The following OPCML variants were observed in gnomAD, a reference collection of about 807,000 sequenced individuals.
OPCML encodes opioid-binding protein/cell adhesion molecule.
A neutral mutation model predicts 37.8 loss-of-function variants in OPCML; 13 were observed. That is an observed-to-expected ratio of 0.34 (90% CI 0.22 to 0.55). The LOEUF is 0.55. Among genes scored for constraint, OPCML ranks in the 20% least tolerant of loss-of-function variants. OPCML has a pLI of 0.91. For missense variants in OPCML, 341 were observed against 435.6 expected (o/e 0.78, Z 1.93); for synonymous variants, 176 against 168.8 (o/e 1.04, Z -0.33).
At chr11:132,624,796 A>T (rs1240958947) in intron 3 of OPCML, among the ~76,000 whole-genome samples, 1 of 152,010 alleles carries the variant, frequency 6.6e-6, no homozygotes, top group South Asian at 2.1e-4. Context: ...ACAAATCCTC[A>T]TACTCACTCC....
intron 1 of OPCML, among the ~76,000 whole-genome samples, chr11:133,445,723 T>A (rs1393082468): frequency 1.3e-5 from 2 of 152,228 alleles, no homozygotes. Flanking sequence ...CTAAGAAAGT[T>A]GTCCTTGAAC....
intron 1 of OPCML, among the ~76,000 whole-genome samples, chr11:133,353,914 A>T (rs2136698131): frequency 6.6e-6 from 1 of 152,322 alleles, no homozygotes; most frequent in South Asian, 2.1e-4. Context: ...AAAAAAAGAA[A>T]AAATATATAT....
chr11:133,525,191 G>A (rs1171474046), intron 1 of OPCML, among the ~76,000 whole-genome samples: 2 of 152,190 alleles, frequency 1.3e-5, no homozygotes, highest in Admixed American at 1.3e-4. Flanking sequence ...GGGAAGCCTC[G>A]CCTACTTTGA....
At chr11:133,223,998 TAG>T (rs1336860808) in intron 1 of OPCML, among the ~76,000 whole-genome samples, 1 of 152,008 alleles carries the variant, frequency 6.6e-6, no homozygotes. Flanking sequence ...TGTATTTGGG[TAG>T]AGTGTGTGGT....
At chr11:132,729,546 C>T (rs1340966474) in intron 2 of OPCML, among the ~76,000 whole-genome samples, 2 of 152,176 alleles carry the variant, frequency 1.3e-5, no homozygotes, top group South Asian at 2.1e-4. Context: ...ACAGGTACAT[C>T]GTCTGTCTCC....
Position 133,120,901 on chromosome 11 carries a change from C to T in OPCML, c.62-177891G>A, listed in dbSNP as rs532896800. Among the ~76,000 whole-genome samples the T allele has an allele frequency of 3.9e-5, 6 of 152,226 alleles. No homozygotes were observed. In the South Asian group the frequency reaches 1.2e-3, roughly 32 times the overall value. On this transcript the variant is annotated intron_variant, in intron 1 of 7. Coordinates refer to ENST00000524381, the MANE Select transcript of OPCML (RefSeq NM_001012393.5). ...AGTCACCCACAATTCTACTTACTTA[C>T]GGTAATTCACTAAACACCCCATCAT...
chr11:133,529,842 G>A (rs207472572), intron 1 of OPCML, among the ~76,000 whole-genome samples: 1 of 152,174 alleles, frequency 6.6e-6, no homozygotes, highest in Non-Finnish European at 1.5e-5. Context: ...AGGAGAAGTC[G>A]CAAGTAAGCC....
At chr11:132,662,420 A>AT (rs1942018917) in intron 2 of OPCML, among the ~76,000 whole-genome samples, 1 of 151,800 alleles carries the variant, frequency 6.6e-6, no homozygotes, top group African/African-American at 2.4e-5. Context: ...TGCAAAAAAA[A>AT]AAAAAAAAAG....
chr11:132,907,914 G>A (rs55689639), intron 2 of OPCML, among the ~76,000 whole-genome samples: 5,386 of 152,096 alleles, frequency 0.035, 309 homozygotes, highest in African/African-American at 0.12. Context: ...CTCACAGCTG[G>A]CAAATCTGCT....
chr11:133,020,268 T>G (rs1031504807), intron 1 of OPCML, among the ~76,000 whole-genome samples: 1 of 152,190 alleles, frequency 6.6e-6, no homozygotes, highest in Non-Finnish European at 1.5e-5. Flanking sequence ...GCCTGAGGTG[T>G]GGCCTCCCTG....
At chr11:132,648,456 C>T (rs1292466119) in intron 3 of OPCML, among the ~76,000 whole-genome samples, 1 of 151,964 alleles carries the variant, frequency 6.6e-6, no homozygotes, top group Non-Finnish European at 1.5e-5. Context: ...TACGACTGTT[C>T]CGTTTATTTA....
At chr11:132,743,305 C>T (rs539454573) in intron 2 of OPCML, among the ~76,000 whole-genome samples, 1 of 152,142 alleles carries the variant, frequency 6.6e-6, no homozygotes, top group South Asian at 2.1e-4. Context: ...GACTGCACAC[C>T]GCATACCAGC....
chr11:132,455,762 A>AATTCATTCATTC (rs61139767), intron 4 of OPCML, among the ~76,000 whole-genome samples: 9,074 of 150,522 alleles, frequency 0.06, 355 homozygotes, highest in East Asian at 0.19. Flanking sequence ...TTCTTTGTCA[A>AATTCATTCATTC]ATTCATTCAT....
chr11:133,489,602 T>A (rs532393212), intron 1 of OPCML, among the ~76,000 whole-genome samples: 1 of 152,154 alleles, frequency 6.6e-6, no homozygotes, highest in South Asian at 2.1e-4. Flanking sequence ...ATGCAGAGAC[T>A]AAAAAATGCT....
chr11:132,525,937 A>G (rs2096307255), intron 4 of OPCML: 1 of 152,220 alleles, frequency 6.6e-6, no homozygotes, highest in Non-Finnish European at 1.5e-5. Context: ...GGAAGACAAT[A>G]GTGAAAATTA....
At chr11:132,627,562 ACAT>A (rs111273986) in intron 3 of OPCML, among the ~76,000 whole-genome samples, 19,398 of 152,164 alleles carry the variant, frequency 0.13, 1,541 homozygotes, top group South Asian at 0.23. Flanking sequence ...TTCTAACAAA[ACAT>A]CATGAATTTG....
chr11:133,255,167 T>C (rs1941270979), intron 1 of OPCML, among the ~76,000 whole-genome samples: 1 of 152,268 alleles, frequency 6.6e-6, no homozygotes, highest in African/African-American at 2.4e-5. Flanking sequence ...TCTCCGGCCC[T>C]GAAGCCCTCC....
At chr11:132,543,679 G>A (rs967161886) in intron 3 of OPCML, among the ~76,000 whole-genome samples, 1 of 152,012 alleles carries the variant, frequency 6.6e-6, no homozygotes, top group Non-Finnish European at 1.5e-5. Context: ...GTGGACCAGG[G>A]CTTGGGTGTA....
intron 4 of OPCML, among the ~76,000 whole-genome samples, chr11:132,459,819 C>A (rs941547708): frequency 1.5e-4 from 23 of 152,136 alleles, no homozygotes; most frequent in African/African-American, 5.3e-4. Context: ...CTGTCAAGCT[C>A]ATGAAAGCAA....
Sources: gnomAD v4.1 joint callset for allele counts (sites outside exome capture counted in the v4.1 genomes callset) on GRCh38, gnomAD v4.1.1 for gene constraint, MANE v1.5 for transcripts, NCBI Gene and HGNC (gene_info 2026-07-23, HGNC 2026-07-21) for gene names.